FOXP2: variants seen among roughly 807,000 people sequenced by gnomAD.
FOXP2 encodes forkhead box protein P2.
In FOXP2, 12 loss-of-function variants were observed where a neutral mutation model predicts 115.8. The ratio of observed to expected loss-of-function variants is 0.10; its 90% CI spans 0.07 to 0.17. The LOEUF (loss-of-function observed/expected upper bound fraction) is 0.17. Among genes scored for constraint, FOXP2 ranks in the 10% least tolerant of loss-of-function variants. The pLI, the probability that FOXP2 is intolerant of heterozygous loss-of-function variation, is 1.00. For missense variants in FOXP2, 629 were observed against 843.5 expected, an observed-to-expected ratio of 0.75 and a Z score of 3.15; for synonymous variants, 328 against 297.7, an observed-to-expected ratio of 1.10 and a Z score of -1.05.
chr7:114,282,110 A>G (rs906975382), intron 1 of FOXP2, among the ~76,000 whole-genome samples: 28 of 152,198 alleles, frequency 1.8e-4, no homozygotes, highest in African/African-American at 6.3e-4. Context: ...AGTACTCTAC[A>G]AAGATATTAG....
chr7:114,162,598 G>A (rs923013099), upstream of FOXP2, among the ~76,000 whole-genome samples: 4 of 149,970 alleles, frequency 2.7e-5, no homozygotes, highest in Non-Finnish European at 4.4e-5. Flanking sequence ...ATACCTAATC[G>A]TCTTTGCCAG....
At chr7:114,342,196 CTT>C (rs1477413127) in intron 2 of FOXP2, among the ~76,000 whole-genome samples, 1 of 151,218 alleles carries the variant, frequency 6.6e-6, no homozygotes, top group Non-Finnish European at 1.5e-5. Context: ...TTGACTATTC[CTT>C]TTATTTTATG....
chr7:114,542,951 C>G (rs1406122484), intron 3 of FOXP2, among the ~76,000 whole-genome samples: 3 of 151,758 alleles, frequency 2.0e-5, no homozygotes, highest in East Asian at 1.9e-4. Context: ...CCACCATGCC[C>G]AACTAATTTT....
At chr7:114,547,089 T>A (rs1252871908) in intron 3 of FOXP2, among the ~76,000 whole-genome samples, 1 of 152,210 alleles carries the variant, frequency 6.6e-6, no homozygotes, top group African/African-American at 2.4e-5. Context: ...GAAGACATGA[T>A]TCAGGTCACA....
chr7:114,123,158 C>T (rs977352139), intron 1 of FOXP2, among the ~76,000 whole-genome samples: 10 of 151,794 alleles, frequency 6.6e-5, no homozygotes, highest in African/African-American at 2.4e-4. Flanking sequence ...TGAGACCAGC[C>T]TGGGCAACAT....
rs932846846 is a variant in FOXP2 at position 114,654,239 on chromosome 7, A to G, written c.1266+230A>G. The G allele has an allele frequency of 9.3e-6, 9 of 966,746 alleles. No homozygotes were observed. The East Asian group carries it at 2.4e-4, about 26-fold the overall frequency. 59.9% of individuals were successfully genotyped at this position (966,746 alleles called of 1,614,324 possible). A position where few individuals can be genotyped will look rare whatever the true frequency, so the allele number is the denominator to read the frequency against. ...GGGTGACACTAAACAAAGTACACCT[A>G]TCAGTGCACAAATCACTGCCTTGGG... On this transcript the variant is annotated intron_variant, in intron 10 of 16. Transcript: ENST00000350908.
chr7:114,480,755 G>GTA (rs1240436316), intron 2 of FOXP2, among the ~76,000 whole-genome samples: 1 of 148,974 alleles, frequency 6.7e-6, no homozygotes, highest in Non-Finnish European at 1.5e-5. Flanking sequence ...GTATGTATAC[G>GTA]TATATATATA....
intron 1 of FOXP2, among the ~76,000 whole-genome samples, chr7:114,213,812 G>C (rs2129162269): frequency 6.6e-6 from 1 of 152,144 alleles, no homozygotes; most frequent in East Asian, 1.9e-4. Flanking sequence ...ATAAGAATTG[G>C]CTTTAGGGAA....
chr7:114,583,110 G>C (rs757299034), intron 3 of FOXP2, among the ~76,000 whole-genome samples: 2 of 152,134 alleles, frequency 1.3e-5, no homozygotes, highest in Non-Finnish European at 2.9e-5. Context: ...AGGCGTGGTG[G>C]CTCACACCTG....
chr7:114,648,666 T>C (rs997440414), intron 8 of FOXP2, among the ~76,000 whole-genome samples: 1 of 152,120 alleles, frequency 6.6e-6, no homozygotes, highest in African/African-American at 2.4e-5. Context: ...GCTTGCTTAA[T>C]TGTTTTTAGA....
At chr7:114,586,477 A>G (rs1000947493) in intron 3 of FOXP2, among the ~76,000 whole-genome samples, 14 of 152,146 alleles carry the variant, frequency 9.2e-5, no homozygotes, top group African/African-American at 3.1e-4. Context: ...ATGACACTTT[A>G]TAGAATGCTT....
chr7:114,507,443 A>AAATAAAT (rs1264075082), intron 2 of FOXP2, among the ~76,000 whole-genome samples: 2 of 151,998 alleles, frequency 1.3e-5, no homozygotes, highest in Non-Finnish European at 2.9e-5. Flanking sequence ...TATTTGACCA[A>AAATAAAT]AAGTTGAAAT....
intron 7 of FOXP2, among the ~76,000 whole-genome samples, 189 bp downstream of exon 7, chr7:114,642,812 A>T (rs986984670): frequency 0.86 from 62,804 of 73,042 alleles, 28,337 homozygotes; most frequent in Non-Finnish European, 0.97. Flanking sequence ...ATATATATAT[A>T]TTTTTTTTTT....
intron 2 of FOXP2, among the ~76,000 whole-genome samples, chr7:114,515,830 T>G (rs1798312863): frequency 6.6e-6 from 1 of 152,136 alleles, no homozygotes; most frequent in African/African-American, 2.4e-5. Flanking sequence ...GAGAATAAAA[T>G]ACCGAGGAAT....
chr7:114,423,991 G>A (rs1398615271), intron 1 of FOXP2, among the ~76,000 whole-genome samples: 1 of 151,290 alleles, frequency 6.6e-6, no homozygotes, highest in Non-Finnish European at 1.5e-5. Context: ...GTTTTCTTAA[G>A]CATTATTTTA....
intron 2 of FOXP2, among the ~76,000 whole-genome samples, chr7:114,479,057 C>T (rs937810846): frequency 1.3e-5 from 2 of 151,640 alleles, no homozygotes; most frequent in Non-Finnish European, 3.0e-5. Flanking sequence ...TAAAATGTAT[C>T]GCAAGTAATA....
chr7:114,514,092 C>CACAA (rs1006015397), intron 2 of FOXP2, among the ~76,000 whole-genome samples: 328 of 44,134 alleles, frequency 7.4e-3, no homozygotes, highest in African/African-American at 0.025. Context: ...CTTATACACA[C>CACAA]ACACACACAC....
chr7:114,495,254 A>C (rs1484782402), intron 2 of FOXP2, among the ~76,000 whole-genome samples: 1 of 152,190 alleles, frequency 6.6e-6, no homozygotes, highest in African/African-American at 2.4e-5. Flanking sequence ...CTTAAATCAC[A>C]GTCTGTTCCA....
At chr7:114,574,277 CTT>C (rs1279775550) in intron 3 of FOXP2, among the ~76,000 whole-genome samples, 2 of 151,598 alleles carry the variant, frequency 1.3e-5, no homozygotes, top group Non-Finnish European at 1.5e-5. Flanking sequence ...CTTATTATAA[CTT>C]TGAATTTAAT....
Sources: gnomAD v4.1 joint callset for allele counts (sites outside exome capture counted in the v4.1 genomes callset) on GRCh38, gnomAD v4.1.1 for gene constraint, MANE v1.5 for transcripts, NCBI Gene and HGNC (gene_info 2026-07-23, HGNC 2026-07-21) for gene names.